The following TSTD2 variants were observed in gnomAD, a reference collection of about 807,000 sequenced individuals.
The protein encoded by TSTD2 is thiosulfate sulfurtransferase/rhodanese-like domain-containing protein 2.
In TSTD2, 37 loss-of-function variants were observed where a neutral mutation model predicts 47.9. The observed-to-expected ratio is 0.77, with a 90% CI of 0.59 to 1.02. The LOEUF is 1.02. Ranked by LOEUF, TSTD2 falls within the 50% of genes least tolerant of loss-of-function variation. TSTD2 has a pLI of 0.00. For missense variants in TSTD2, 586 were observed against 616.0 expected, an observed-to-expected ratio of 0.95 and a Z score of 0.52; for synonymous variants, 201 against 215.9, an observed-to-expected ratio of 0.93 and a Z score of 0.61.
chr9:97,612,382 G>A (rs924954428), intron 4 of TSTD2, among the ~76,000 whole-genome samples: 9 of 152,204 alleles, frequency 5.9e-5, no homozygotes, highest in East Asian at 1.9e-4. Flanking sequence ...TTGCTGGGTC[G>A]AATGATAGTT....
rs1780353182 is a variant in TSTD2 at position 97,600,914 on chromosome 9, T to C, written c.*1555A>G. 1 of 1,157,250 alleles carries C rather than the reference T, an allele frequency of 8.6e-7. No individual in the cohort carries two copies. The highest frequency in any genetic ancestry group is 1.1e-6 in the Non-Finnish European group (1 of 918,510). 71.7% of individuals were successfully genotyped at this position (1,157,250 alleles called of 1,614,324 possible). ...CACAGTGCCAGTTAAACTAATATTT[T>C]TGTTTGTTGCTTTTGGGAGTTATTT... On this transcript the variant is annotated 3_prime_UTR_variant, in exon 10 of 10. Coordinates refer to ENST00000341170, the MANE Select transcript of TSTD2 (RefSeq NM_139246.5).
At position 97,627,534 on chromosome 9, in the gene TSTD2, C is replaced by T. The variant is rs775336421; in HGVS notation, c.29G>A (p.Gly10Glu). 1.9e-6 allele frequency: 3 copies of T among 1,611,530 alleles called. No individual in the cohort carries two copies. The highest frequency in any genetic ancestry group is 2.5e-6 in the Non-Finnish European group (3 of 1,178,420). The change falls in exon 2 of 10, where the codon GGA becomes GAA. Residue 10 changes from glycine to glutamate, a missense_variant. Coordinates refer to ENST00000341170, the MANE Select transcript of TSTD2 (RefSeq NM_139246.5). ...TAAAATGCAGTTCTCCAGGTCATCT[C>T]CTTGGTCTGGTGAAGTGGAAGAAGG... MPSSTSPDQ[G>E]DDLENCILRF...
At chr9:97,609,068 G>C in intron 6 of TSTD2, among the ~76,000 whole-genome samples, 1 of 152,046 alleles carries the variant, frequency 6.6e-6, no homozygotes, top group East Asian at 1.9e-4. Flanking sequence ...ACATGTGGCT[G>C]ACAAGCACTT....
intron 6 of TSTD2, among the ~76,000 whole-genome samples, chr9:97,607,359 T>TTA (rs1304931438): frequency 6.6e-6 from 1 of 152,146 alleles, no homozygotes; most frequent in Non-Finnish European, 1.5e-5. Flanking sequence ...GGTGACTCAG[T>TTA]TACCTACCAC....
At chr9:97,609,503 TCA>T (rs1163215715) in intron 6 of TSTD2, among the ~76,000 whole-genome samples, 3 of 152,152 alleles carry the variant, frequency 2.0e-5, no homozygotes, top group Admixed American at 1.3e-4. Context: ...TACTGATGAA[TCA>T]CAGTGAATGA....
At position 97,602,316 on chromosome 9, in the gene TSTD2, CT is replaced by C; in HGVS notation, c.*152del. 1.2e-6 allele frequency: 1 copy of C among 867,812 alleles called. No individual in the cohort carries two copies. Among genetic ancestry groups the C allele is most frequent in the South Asian group, 1.9e-5 (1 of 52,854 alleles). The allele number at this position is 867,812 out of a possible 1,614,324, so 53.8% of individuals were successfully genotyped here. A position where few individuals can be genotyped will look rare whatever the true frequency, so the allele number is the denominator to read the frequency against. Reference sequence around the variant, plus strand: ...AGTGGTAGACAACGTGACTCCTCCCCTCCCGCTGTGAAGTGTAGACGGCTGC... The same window carrying C: ...AGTGGTAGACAACGTGACTCCTCCCCCCCGCTGTGAAGTGTAGACGGCTGC... On this transcript the variant is annotated 3_prime_UTR_variant, in exon 10 of 10. Transcript: ENST00000341170.
At chr9:97,629,341 T>C (rs558865380) in intron 1 of TSTD2, among the ~76,000 whole-genome samples, 11 of 152,292 alleles carry the variant, frequency 7.2e-5, no homozygotes, top group Admixed American at 6.5e-4. Context: ...ACACAGGCAA[T>C]ACCAACTTTC....
rs1206138026 is a variant in TSTD2, at chr9:97,606,181, T to C, written c.916A>G (p.Ile306Val). ...SQANQEQSDTILLDCRNFYES... is the reference protein window; with the variant it reads ...SQANQEQSDTVLLDCRNFYES... ...TAGAAGTTTCTGCAATCAAGAAGGA[T>C]AGTATCACTTTGTTCTTGATTTGCC... The change falls in exon 7 of 10, where the codon ATC (isoleucine) becomes GTC (valine). Residue 306 changes from isoleucine to valine, a missense_variant. Coordinates refer to ENST00000341170, the MANE Select transcript of TSTD2 (RefSeq NM_139246.5). 4 of 1,612,472 alleles carry C rather than the reference T, an allele frequency of 2.5e-6. No homozygotes were observed. Among genetic ancestry groups the C allele is most frequent in the South Asian group, 2.2e-5 (2 of 90,834 alleles).
intron 3 of TSTD2, among the ~76,000 whole-genome samples, chr9:97,621,901 C>G (rs1425266354): frequency 6.6e-6 from 1 of 152,116 alleles, no homozygotes; most frequent in Non-Finnish European, 1.5e-5. Context: ...GATCCACTCC[C>G]TATTCGTACA....
intron 3 of TSTD2, among the ~76,000 whole-genome samples, chr9:97,621,256 T>C (rs187021572): frequency 2.0e-5 from 3 of 152,358 alleles, no homozygotes; most frequent in Admixed American, 6.5e-5. Context: ...CATAATTTCC[T>C]ATGCCTGTCT....
chr9:97,616,426 G>T (rs894426157), intron 4 of TSTD2, among the ~76,000 whole-genome samples: 3 of 152,160 alleles, frequency 2.0e-5, no homozygotes, highest in Non-Finnish European at 4.4e-5. Flanking sequence ...TTATGGCTGT[G>T]TGGAGAATGG....
At position 97,600,847 on chromosome 9, in the gene TSTD2, C is replaced by G. The variant is rs965517396; in HGVS notation, c.*1622G>C. The G allele has an allele frequency of 1.9e-6, 2 of 1,078,276 alleles. No homozygotes were observed. The highest frequency in any genetic ancestry group is 2.3e-6 in the Non-Finnish European group (2 of 881,942). The allele number at this position is 1,078,276 out of a possible 1,614,324, so 66.8% of individuals were successfully genotyped here. On this transcript the variant is annotated 3_prime_UTR_variant, in exon 10 of 10. Coordinates refer to ENST00000341170, the MANE Select transcript of TSTD2 (RefSeq NM_139246.5). Reference sequence around the variant, plus strand: ...ATCATGTGCGTCTCTTGGGATCCAGCAAAAGTGTTAAGCCACAATGCCCTT... The same window carrying G: ...ATCATGTGCGTCTCTTGGGATCCAGGAAAAGTGTTAAGCCACAATGCCCTT...
chr9:97,606,332 G>T, intron 6 of TSTD2, 71 bp from the exon 7 acceptor site: 2 of 854,236 alleles, frequency 2.3e-6, no homozygotes, highest in Non-Finnish European at 3.7e-6. Context: ...GACTCACCCA[G>T]CCTGACTTAC....
At position 97,627,523 on chromosome 9, in the gene TSTD2, C is replaced by G; in HGVS notation, c.40G>C (p.Glu14Gln). Residue 14 changes from glutamate to glutamine, a missense_variant, in exon 2 of 10, where the codon GAG becomes CAG. Physicochemically the swap from Glu to Gln is conservative, Grantham distance 29. Coordinates refer to ENST00000341170, the MANE Select transcript of TSTD2 (RefSeq NM_139246.5). ...TCAGAAAATCTTAAAATGCAGTTCT[C>G]CAGGTCATCTCCTTGGTCTGGTGAA... ...STSPDQGDDL[E>Q]NCILRFSDLD... 6.2e-7 allele frequency: 1 copy of G among 1,612,752 alleles called. No individual in the cohort carries two copies. Among genetic ancestry groups the G allele is most frequent in the Non-Finnish European group, 8.5e-7 (1 of 1,179,080 alleles).
chr9:97,602,515 G>A lies in TSTD2; in HGVS notation c.1505C>T (p.Pro502Leu). The change falls in exon 10 of 10, where the codon CCA (proline) becomes CTA (leucine). Residue 502 changes from proline to leucine, a missense_variant. Physicochemically the swap from Pro to Leu is moderately conservative, Grantham distance 98. Transcript: ENST00000341170. ...LLQHVRQPVS[P>L]EPGPDADEDG... The stretch of plus-strand genomic sequence containing the variant: ...CTCATCAGCATCAGGCCCTGGCTCT[G>A]GGCTCACAGGCTGTCGCACATGCTG... 1 of 1,613,890 alleles carries A rather than the reference G, an allele frequency of 6.2e-7. No individual in the cohort carries two copies. The highest frequency in any genetic ancestry group is 8.5e-7 in the Non-Finnish European group (1 of 1,179,838).
rs760131010 is a variant in TSTD2, at chr9:97,602,671, T to C, written c.1349A>G (p.Gln450Arg). 3 of 1,614,232 alleles carry C rather than the reference T, an allele frequency of 1.9e-6. No individual in the cohort carries two copies. The highest frequency in any genetic ancestry group is 2.5e-6 in the Non-Finnish European group (3 of 1,180,032). Reference protein sequence around the residue: ...LVLTCPACQGQGFTACCVTCQ... With the variant: ...LVLTCPACQGRGFTACCVTCQ... ...TGTGACACAACAGGCTGTGAATCCTTGTCCTTGACAGGCAGGGCAGGTCAA... is the reference window on the plus strand; with the variant it reads ...TGTGACACAACAGGCTGTGAATCCTCGTCCTTGACAGGCAGGGCAGGTCAA... Residue 450 changes from glutamine (Q) to arginine (R), a missense_variant, in exon 10 of 10, where the codon CAA becomes CGA. By Grantham distance (43) the Gln-to-Arg change is conservative. Coordinates refer to ENST00000341170, the MANE Select transcript of TSTD2 (RefSeq NM_139246.5).
intron 4 of TSTD2, among the ~76,000 whole-genome samples, chr9:97,613,000 T>G (rs1255883228): frequency 6.6e-6 from 1 of 152,240 alleles, no homozygotes; most frequent in Admixed American, 6.5e-5. Flanking sequence ...GCCAAAGAAG[T>G]GAATTCTGAG....
At position 97,602,578 on chromosome 9, in the gene TSTD2, C is replaced by T. The variant is rs1362102064; in HGVS notation, c.1442G>A (p.Cys481Tyr). 6.8e-6 allele frequency: 11 copies of T among 1,614,104 alleles called. No homozygotes were observed. Among genetic ancestry groups the T allele is most frequent in the African/African-American group, 1.3e-5 (1 of 74,944 alleles). Residue 481 changes from cysteine (C) to tyrosine (Y), a missense_variant, in exon 10 of 10, where the codon TGC becomes TAC. Coordinates refer to ENST00000341170, the MANE Select transcript of TSTD2 (RefSeq NM_139246.5). ...MQDSFKEECE[C>Y]TARRPRIPRE... ...AGGTATGCGTGGCCGTCGGGCTGTG[C>T]ACTCGCATTCCTCTTTAAAGCTGTC...
chr9:97,625,931 A>T lies in TSTD2; in HGVS notation c.232T>A (p.Leu78Met). 1 of 1,613,926 alleles carries T rather than the reference A, an allele frequency of 6.2e-7. No homozygotes were observed. Among genetic ancestry groups the T allele is most frequent in the Non-Finnish European group, 8.5e-7 (1 of 1,179,920 alleles). ...TKRSFECKEKLWKCCRQLFTD... is the reference protein window; with the variant it reads ...TKRSFECKEKMWKCCRQLFTD... ...AATAGCTGCCGACAGCATTTCCACA[A>T]TTTTTCTTTACATTCAAAACTCCTT... is the stretch of plus-strand genomic sequence containing the variant. Residue 78 changes from leucine to methionine, a missense_variant, in exon 3 of 10, where the codon TTG (leucine) becomes ATG (methionine). Coordinates refer to ENST00000341170, the MANE Select transcript of TSTD2 (RefSeq NM_139246.5).
Sources: gnomAD v4.1 joint callset for allele counts (sites outside exome capture counted in the v4.1 genomes callset) on GRCh38, gnomAD v4.1.1 for gene constraint, MANE v1.5 for transcripts, NCBI Gene and HGNC (gene_info 2026-07-23, HGNC 2026-07-21) for gene names.